Variants in MBNL3 observed in about 807,000 individuals in gnomAD.
MBNL3 encodes muscleblind like splicing regulator 3.
In MBNL3, 6 loss-of-function variants were observed where a neutral mutation model predicts 24.5. That is an observed-to-expected ratio of 0.25 (90% CI 0.13 to 0.48). The LOEUF is 0.48. MBNL3 is among the 20% of genes least tolerant of loss of function. The probability of loss-of-function intolerance (pLI) is 0.99; values close to 1 mark genes in which losing one functional copy is unlikely to be tolerated. For missense variants in MBNL3, 230 were observed against 293.5 expected (o/e 0.78, Z 1.58); for synonymous variants, 100 against 101.7 (o/e 0.98, Z 0.10).
chrX:132,394,125 G>T (rs1937597767), intron 3 of MBNL3, among the ~76,000 whole-genome samples: 1 of 111,657 alleles, frequency 9.0e-6, no homozygotes, highest in South Asian at 3.8e-4. Flanking sequence ...AGACATGGTT[G>T]CCAAGAGCCT....
chrX:132,488,351 A>C (rs1484156147), intron 1 of MBNL3, among the ~76,000 whole-genome samples: 1 of 111,053 alleles, frequency 9.0e-6, no homozygotes, highest in Non-Finnish European at 1.9e-5. Context: ...TCTTACCATA[A>C]AAGCTTATTG....
At chrX:132,411,507 G>T in intron 2 of MBNL3, 1 of 651,153 alleles carries the variant, frequency 1.5e-6, no homozygotes, top group Non-Finnish European at 1.8e-6. Context: ...TACAGAGAAT[G>T]TGAAGGCCAA....
At chrX:132,414,026 T>C (rs182372528) in intron 2 of MBNL3, among the ~76,000 whole-genome samples, 30 of 112,329 alleles carry the variant, frequency 2.7e-4, no homozygotes, top group African/African-American at 7.8e-4. Context: ...CACATGTTTC[T>C]ATATGCACAC....
chrX:132,454,418 C>A, intron 1 of MBNL3, among the ~76,000 whole-genome samples: 1 of 112,133 alleles, frequency 8.9e-6, no homozygotes. Flanking sequence ...AAGGGATTCA[C>A]TACTATACCT....
rs774964718 is a variant in MBNL3, at chrX:132,389,917, G to A, written c.771+930C>T. ...CTTAAAAGTCAGGACTCTGGGCTGC[G>A]CACGGTAGCTCATGCCTGTAATCCC... is the stretch of plus-strand genomic sequence containing the variant. On this transcript the variant is annotated intron_variant, in intron 5 of 8. Transcript: ENST00000370853. Among the ~76,000 whole-genome samples the A allele has an allele frequency of 5.3e-4, 59 of 110,480 alleles. No homozygotes were observed. The Middle Eastern group carries it at 0.014, about 26-fold the overall frequency.
At chrX:132,456,908 T>C (rs1162204784) in intron 1 of MBNL3, among the ~76,000 whole-genome samples, 1 of 111,719 alleles carries the variant, frequency 9.0e-6, no homozygotes, top group East Asian at 2.8e-4. Flanking sequence ...TTTAAAATCA[T>C]CATTCAAAAG....
chrX:132,402,942 A>G (rs1408472320), intron 3 of MBNL3, among the ~76,000 whole-genome samples: 1 of 112,046 alleles, frequency 8.9e-6, no homozygotes, highest in Admixed American at 9.5e-5. Flanking sequence ...TTCTTTGTGG[A>G]AAGACATGAA....
chrX:132,432,938 T>A (rs1409070438), intron 2 of MBNL3: 1 of 111,079 alleles, frequency 9.0e-6, no homozygotes, highest in Non-Finnish European at 1.9e-5. Flanking sequence ...ACAGACTCAA[T>A]AGCAACTTAC....
rs1440402265 is a variant in MBNL3 at position 132,378,728 on chromosome X, C to G, written c.*938G>C. Reference sequence around the variant, plus strand: ...CACTCAATTTAGGAGATGGGATTCTCAAGCCACACACACAAAAAATCTAAT... The same window carrying G: ...CACTCAATTTAGGAGATGGGATTCTGAAGCCACACACACAAAAAATCTAAT... On this transcript the variant is annotated 3_prime_UTR_variant, in exon 9 of 9. Coordinates refer to ENST00000370853, the MANE Select transcript of MBNL3 (RefSeq NM_001386889.1). 1 of 111,776 alleles carries G rather than the reference C, an allele frequency of 8.9e-6. No homozygotes were observed. The highest frequency in any genetic ancestry group is 1.9e-5 in the Non-Finnish European group (1 of 53,122). The allele number at this position is 111,776 out of a possible 1,213,427, so 9.2% of individuals were successfully genotyped here.
intron 3 of MBNL3, among the ~76,000 whole-genome samples, chrX:132,404,709 G>A (rs1200787314): frequency 8.9e-6 from 1 of 111,755 alleles, no homozygotes; most frequent in Admixed American, 9.5e-5. Context: ...CCATAAAGAT[G>A]TACTCATTAA....
At chrX:132,458,291 G>T (rs1039595233) in intron 1 of MBNL3, among the ~76,000 whole-genome samples, 3 of 106,850 alleles carry the variant, frequency 2.8e-5, no homozygotes, top group African/African-American at 1.0e-4. Context: ...GAATCCTGAT[G>T]TTATATACCC....
At chrX:132,481,220 A>G (rs1031138854) in intron 1 of MBNL3, among the ~76,000 whole-genome samples, 2 of 111,768 alleles carry the variant, frequency 1.8e-5, no homozygotes, top group Non-Finnish European at 3.8e-5. Context: ...AATATTACAG[A>G]GATTTCTTTG....
upstream of MBNL3, chrX:132,489,859 G>T (rs1292871433): frequency 9.0e-6 from 1 of 111,375 alleles, no homozygotes; most frequent in Non-Finnish European, 1.9e-5. Context: ...GCGGCCAAGG[G>T]CCGCCCCGGC....
At chrX:132,426,512 G>A (rs1944316798) in intron 2 of MBNL3, among the ~76,000 whole-genome samples, 2 of 111,120 alleles carry the variant, frequency 1.8e-5, no homozygotes, top group South Asian at 7.7e-4. Context: ...CAAGCTGATG[G>A]TGTCATTTCT....
At chrX:132,399,087 A>G (rs1342816486) in intron 3 of MBNL3, among the ~76,000 whole-genome samples, 1 of 111,817 alleles carries the variant, frequency 8.9e-6, no homozygotes, top group African/African-American at 3.2e-5. Context: ...ACTGAATTCA[A>G]TAAAAAGGGA....
intron 1 of MBNL3, among the ~76,000 whole-genome samples, chrX:132,461,884 T>C (rs1452135521): frequency 8.9e-6 from 1 of 112,213 alleles, no homozygotes. Flanking sequence ...AACCTACATA[T>C]TTCTATTATA....
At position 132,386,677 on chromosome X, in the gene MBNL3, C is replaced by G; in HGVS notation, c.906G>C (p.Pro302=). 1 of 1,210,169 alleles carries G rather than the reference C, an allele frequency of 8.3e-7. No homozygotes were observed. The highest frequency in any genetic ancestry group is 1.8e-5 in the South Asian group (1 of 56,893). ...QALTNLQLPQ[P]AFIPAGPILC... is the part of the protein sequence containing the mutation. ...TGTTCTCACCTGCAGGGATAAATGC[C>G]GGCTGTGGGAGCTGCAGGTTAGTCA... Residue 302 remains proline, a synonymous_variant, in exon 6 of 9, where the codon CCG becomes CCC. Transcript: ENST00000370853.
intron 2 of MBNL3, among the ~76,000 whole-genome samples, chrX:132,426,100 A>G (rs999557214): frequency 8.9e-6 from 1 of 111,995 alleles, no homozygotes; most frequent in African/African-American, 3.2e-5. Flanking sequence ...CTCTCAGTTG[A>G]GCCCATATTT....
chrX:132,462,656 G>A (rs1455621402), intron 1 of MBNL3, among the ~76,000 whole-genome samples: 1 of 110,875 alleles, frequency 9.0e-6, no homozygotes, highest in Non-Finnish European at 1.9e-5. Context: ...TGTGTGTGGA[G>A]GGGTGAGTAC....
Sources: gnomAD v4.1 joint callset for allele counts (sites outside exome capture counted in the v4.1 genomes callset) on GRCh38, gnomAD v4.1.1 for gene constraint, MANE v1.5 for transcripts, NCBI Gene and HGNC (gene_info 2026-07-23, HGNC 2026-07-21) for gene names.